The following ACYP2 variants were observed in gnomAD, a reference collection of about 807,000 sequenced individuals.
The protein encoded by ACYP2 is acylphosphatase-2.
In ACYP2, 12 loss-of-function variants were observed where a neutral mutation model predicts 11.2. The ratio of observed to expected loss-of-function variants is 1.08; its 90% CI spans 0.69 to 1.74. ACYP2 has a LOEUF of 1.74. Among genes scored for constraint, ACYP2 ranks in the 40% most tolerant of loss-of-function variants. The probability of loss-of-function intolerance (pLI) is 0.00; values close to 1 mark genes in which losing one functional copy is unlikely to be tolerated. For synonymous variants in ACYP2, 43 were observed against 32.2 expected, an observed-to-expected ratio of 1.33 and a Z score of -1.13; for missense variants, 134 against 101.9, an observed-to-expected ratio of 1.31 and a Z score of -1.35.
At chr2:54,174,252 C>T (rs1683342885) in intron 6 of ACYP2, among the ~76,000 whole-genome samples, 1 of 152,120 alleles carries the variant, frequency 6.6e-6, no homozygotes, top group South Asian at 2.1e-4. Context: ...CTTCACATCC[C>T]TTGTAAGTTG....
chr2:54,163,162 C>T (rs6732202), intron 6 of ACYP2, among the ~76,000 whole-genome samples: 3,576 of 152,222 alleles, frequency 0.023, 125 homozygotes, highest in African/African-American at 0.076. Flanking sequence ...TGCTTGTCCC[C>T]GGATCACATT....
intron 2 of ACYP2, among the ~76,000 whole-genome samples, chr2:53,986,681 G>A (rs1415103128): frequency 1.3e-5 from 2 of 149,562 alleles, no homozygotes; most frequent in Non-Finnish European, 3.0e-5. Context: ...ATGGAGTGCA[G>A]TGGTGTGATC....
At chr2:54,047,469 A>C (rs911356324) in intron 2 of ACYP2, among the ~76,000 whole-genome samples, 1 of 152,192 alleles carries the variant, frequency 6.6e-6, no homozygotes, top group African/African-American at 2.4e-5. Context: ...ACAGTTATTG[A>C]ATGCAATATT....
At chr2:54,191,709 C>A (rs568799190) in intron 6 of ACYP2, among the ~76,000 whole-genome samples, 2 of 152,112 alleles carry the variant, frequency 1.3e-5, no homozygotes, top group African/African-American at 2.4e-5. Flanking sequence ...GTCCATATAA[C>A]CCTCTCATTT....
At chr2:54,151,110 G>A (rs891547489) in intron 6 of ACYP2, among the ~76,000 whole-genome samples, 2 of 151,502 alleles carry the variant, frequency 1.3e-5, no homozygotes, top group African/African-American at 4.9e-5. Context: ...TCAAGAGTTA[G>A]AATTAGAATA....
chr2:53,978,858 G>C (rs181447896), intron 2 of ACYP2, among the ~76,000 whole-genome samples: 2 of 152,288 alleles, frequency 1.3e-5, no homozygotes, highest in Admixed American at 1.3e-4. Flanking sequence ...GGGAGGCAGA[G>C]GTTGCACTGA....
At chr2:54,134,246 T>C (rs1280559723) in intron 4 of ACYP2, among the ~76,000 whole-genome samples, 1 of 152,070 alleles carries the variant, frequency 6.6e-6, no homozygotes, top group Non-Finnish European at 1.5e-5. Context: ...TGAGCTACGA[T>C]TGCATCACTG....
chr2:54,258,527 T>G (rs1442121905), intron 6 of ACYP2, among the ~76,000 whole-genome samples: 1 of 152,176 alleles, frequency 6.6e-6, no homozygotes, highest in Non-Finnish European at 1.5e-5. Flanking sequence ...AAATGGGAAA[T>G]TACTACAGGA....
intron 6 of ACYP2, among the ~76,000 whole-genome samples, chr2:54,295,645 T>G (rs1451503750): frequency 6.6e-6 from 1 of 152,202 alleles, no homozygotes; most frequent in African/African-American, 2.4e-5. Flanking sequence ...AGTTTTATTT[T>G]ATTTGTAATT....
At chr2:54,254,961 C>G in intron 6 of ACYP2, 1 of 1,613,722 alleles carries the variant, frequency 6.2e-7, no homozygotes, top group Non-Finnish European at 8.5e-7. Context: ...TCTCCACTGG[C>G]TCCCTTACCA....
chr2:53,984,403 C>T (rs1671914263), intron 2 of ACYP2, among the ~76,000 whole-genome samples: 1 of 151,822 alleles, frequency 6.6e-6, no homozygotes, highest in Non-Finnish European at 1.5e-5. Context: ...CATGGTGAAA[C>T]TCCATCTCTA....
intron 6 of ACYP2, among the ~76,000 whole-genome samples, chr2:54,294,962 A>C (rs1689461205): frequency 6.6e-6 from 1 of 152,046 alleles, no homozygotes; most frequent in African/African-American, 2.4e-5. Flanking sequence ...CAATAAATAC[A>C]ATAGATGTTT....
chr2:54,171,528 C>T (rs1197597619), intron 6 of ACYP2, among the ~76,000 whole-genome samples: 1 of 152,146 alleles, frequency 6.6e-6, no homozygotes, highest in Non-Finnish European at 1.5e-5. Flanking sequence ...CACAATGTGG[C>T]GTTGGTTGCT....
chr2:53,974,733 G>C (rs1416337006), intron 2 of ACYP2, among the ~76,000 whole-genome samples: 1 of 152,188 alleles, frequency 6.6e-6, no homozygotes, highest in Non-Finnish European at 1.5e-5. Flanking sequence ...TATGTTGCCA[G>C]TAGTGATGGT....
intron 4 of ACYP2, among the ~76,000 whole-genome samples, chr2:54,109,677 G>A (rs1026848761): frequency 6.6e-6 from 1 of 151,962 alleles, no homozygotes; most frequent in East Asian, 1.9e-4. Context: ...CATATAATAG[G>A]ATACTAAAAT....
intron 4 of ACYP2, among the ~76,000 whole-genome samples, chr2:54,131,138 G>T (rs1197268142): frequency 2.0e-5 from 3 of 152,162 alleles, no homozygotes; most frequent in Non-Finnish European, 2.9e-5. Flanking sequence ...AAAAATGTTT[G>T]TTAAGTCAAT....
intron 6 of ACYP2, among the ~76,000 whole-genome samples, chr2:54,221,524 T>C (rs1250253092): frequency 6.9e-6 from 1 of 144,884 alleles, no homozygotes; most frequent in Non-Finnish European, 1.5e-5. Context: ...AAAATTCTTT[T>C]TTTTTTTTTT....
At chr2:54,071,373 T>C in intron 4 of ACYP2, among the ~76,000 whole-genome samples, 1 of 152,126 alleles carries the variant, frequency 6.6e-6, no homozygotes, top group Middle Eastern at 3.2e-3. Flanking sequence ...CACAATCTTG[T>C]GTGTACAAAA....
chr2:54,045,923 C>G (rs1675497412), intron 2 of ACYP2, among the ~76,000 whole-genome samples: 1 of 152,140 alleles, frequency 6.6e-6, no homozygotes, highest in African/African-American at 2.4e-5. Flanking sequence ...GTAATCCCAG[C>G]ACTTTGGGAG....
Sources: gnomAD v4.1 joint callset for allele counts (sites outside exome capture counted in the v4.1 genomes callset) on GRCh38, gnomAD v4.1.1 for gene constraint, MANE v1.5 for transcripts, NCBI Gene and HGNC (gene_info 2026-07-23, HGNC 2026-07-21) for gene names.